Variants in KNDC1 observed in about 807,000 individuals in gnomAD.
KNDC1 encodes kinase non-catalytic C-lobe domain containing 1.
In KNDC1, 106 loss-of-function variants were observed where a neutral mutation model predicts 172.8. The observed-to-expected ratio is 0.61, with a 90% CI of 0.52 to 0.72. The LOEUF (loss-of-function observed/expected upper bound fraction) is 0.72. Among genes scored for constraint, KNDC1 ranks in the 30% least tolerant of loss-of-function variants. The pLI is 0.00. For synonymous variants in KNDC1, 1,083 were observed against 1,062.2 expected, an observed-to-expected ratio of 1.02 and a Z score of -0.38; for missense variants, 2,325 against 2,394.5, an observed-to-expected ratio of 0.97 and a Z score of 0.61.
Position 133,223,859 on chromosome 10 carries a change from A to G in KNDC1, c.5019-800A>G, listed in dbSNP as rs375030549. On this transcript the variant is annotated intron_variant, in intron 29 of 29. Transcript: ENST00000304613. The stretch of plus-strand genomic sequence containing the variant: ...CCCATCCAGGCATGCTCTTCCCGGC[A>G]TGTGTGTGTGTGAGCCCATCCAGGC... Among the ~76,000 whole-genome samples, 21 of 41,284 alleles carry G rather than the reference A, an allele frequency of 5.1e-4. 2 individuals are homozygous for G. The East Asian group carries it at 0.011, about 22-fold the overall frequency. 27.1% of individuals were successfully genotyped at this position (41,284 alleles called of 152,430 possible). A position where few individuals can be genotyped will look rare whatever the true frequency, so the allele number is the denominator to read the frequency against.
rs183284963 is a variant in KNDC1, at chr10:133,208,104, C to G, written c.3794+753C>G. ...ACACCACCTTGGAGCCCCAAGGGTC[C>G]TCTCTGAGCAGAGGCCATGGGGCCC... is the stretch of plus-strand genomic sequence containing the variant. On this transcript the variant is annotated intron_variant, in intron 20 of 29. Transcript: ENST00000304613. Among the ~76,000 whole-genome samples the G allele has an allele frequency of 1.1e-4, 17 of 152,300 alleles. No individual in the cohort carries two copies. The East Asian group carries it at 3.3e-3, about 29-fold the overall frequency.
rs1248396874 is a variant in KNDC1 at position 133,199,005 on chromosome 10, C to T, written c.2497C>T (p.Arg833Ter). The T allele has an allele frequency of 6.4e-6, 10 of 1,560,442 alleles. No homozygotes were observed. The highest frequency in any genetic ancestry group is 2.3e-5 in the South Asian group (2 of 85,688). Residue 833 changes from arginine to a stop codon, truncating the protein, a stop_gained, in exon 14 of 30, where the codon CGA becomes TGA. Coordinates refer to ENST00000304613, the MANE Select transcript of KNDC1 (RefSeq NM_152643.8). LOFTEE classifies it high-confidence loss of function. ...HGPRHPPKPPRSKATERPGQE... is the reference protein window; with the variant it reads ...HGPRHPPKPP Reference sequence around the variant, plus strand: ...CCCACGCCACCCGCCCAAGCCCCCACGAAGCAAGGCCACCGAGCGCCCGGG... The same window carrying T: ...CCCACGCCACCCGCCCAAGCCCCCATGAAGCAAGGCCACCGAGCGCCCGGG...
At chr10:133,211,631 TC>T (rs1447883210) in intron 22 of KNDC1, 47 bp from the exon 23 acceptor site, 1 of 1,593,820 alleles carries the variant, frequency 6.3e-7, no homozygotes, top group Admixed American at 1.7e-5. Context: ...GGTGCCGCCC[TC>T]CTCCAGAAGG....
intron 26 of KNDC1, among the ~76,000 whole-genome samples, chr10:133,217,506 A>G (rs1220314898): frequency 6.6e-6 from 1 of 152,122 alleles, no homozygotes; most frequent in Non-Finnish European, 1.5e-5. Context: ...GCAGATCACG[A>G]GGTCAGGAGT....
At chr10:133,203,083 G>A (rs1250616970) in intron 17 of KNDC1, among the ~76,000 whole-genome samples, 1 of 150,242 alleles carries the variant, frequency 6.7e-6, no homozygotes, top group East Asian at 2.0e-4. Flanking sequence ...AGTCCAGCGG[G>A]GAGCACTCCA....
chr10:133,213,699 G>A lies in KNDC1; in HGVS notation c.4498G>A (p.Val1500Ile), dbSNP rs779018201. Reference protein sequence around the residue: ...VHFLNSRALGVMDKSTAIPKA... With the variant: ...VHFLNSRALGIMDKSTAIPKA... ...CTTCCTGAACTCACGGGCCCTGGGC[G>A]TCATGGACAAGAGCACTGCCATCCC... Residue 1500 changes from valine to isoleucine, a missense_variant, in exon 25 of 30, where the codon GTC (valine) becomes ATC (isoleucine). Physicochemically the swap from Val to Ile is conservative, Grantham distance 29. Transcript: ENST00000304613. 8.7e-6 allele frequency: 14 copies of A among 1,613,910 alleles called. No individual in the cohort carries two copies. Among genetic ancestry groups the A allele is most frequent in the East Asian group, 4.5e-5 (2 of 44,886 alleles).
intron 1 of KNDC1, among the ~76,000 whole-genome samples, chr10:133,161,152 G>T (rs1466255177): frequency 6.6e-6 from 1 of 152,180 alleles, no homozygotes. Flanking sequence ...CCACCCTACA[G>T]CACCGGCTGC....
chr10:133,168,468 A>G (rs1853257367), intron 3 of KNDC1, among the ~76,000 whole-genome samples, 156 bp downstream of exon 3: 1 of 151,068 alleles, frequency 6.6e-6, no homozygotes, highest in African/African-American at 2.4e-5. Flanking sequence ...GGCTATAGGG[A>G]CGGCCTCTGG....
chr10:133,197,088 A>C lies in KNDC1; in HGVS notation c.1765A>C (p.Met589Leu). ...VCGSYLLQRG[M>L]DSRKILAHLR... is the part of the protein sequence containing the mutation. ...CGGCAGCTACCTCCTCCAGCGAGGC[A>C]TGGACAGCCGGAAAATCCTTGCCCA... is the stretch of plus-strand genomic sequence containing the variant. The change falls in exon 11 of 30, where the codon ATG (methionine) becomes CTG (leucine). Residue 589 changes from methionine (M) to leucine (L), a missense_variant. Coordinates refer to ENST00000304613, the MANE Select transcript of KNDC1 (RefSeq NM_152643.8). 6.2e-7 allele frequency: 1 copy of C among 1,613,258 alleles called. No individual in the cohort carries two copies. Among genetic ancestry groups the C allele is most frequent in the East Asian group, 2.2e-5 (1 of 44,872 alleles).
intron 16 of KNDC1, among the ~76,000 whole-genome samples, chr10:133,200,961 G>A (rs1030212380): frequency 2.0e-5 from 3 of 152,202 alleles, no homozygotes; most frequent in Non-Finnish European, 2.9e-5. Context: ...AGGTGGGGGT[G>A]GTGGTCACCC....
chr10:133,186,063 G>T lies in KNDC1; in HGVS notation c.715G>T (p.Val239Phe). The change falls in exon 6 of 30, where the codon GTT (valine) becomes TTT (phenylalanine). Residue 239 changes from valine (V) to phenylalanine (F), a missense_variant. Val to Phe is a conservative substitution (Grantham distance 50). Transcript: ENST00000304613. ...CGGGGACCCCAGCACTGACCCGGAG[G>T]TTCTGCCGACCCCCGAAGGCCCGGA... is the stretch of plus-strand genomic sequence containing the variant. ...PPGDPSTDPE[V>F]LPTPEGPESE... 6.3e-7 allele frequency: 1 copy of T among 1,599,632 alleles called. No homozygotes were observed. Among genetic ancestry groups the T allele is most frequent in the Non-Finnish European group, 8.5e-7 (1 of 1,174,268 alleles).
chr10:133,215,413 G>A (rs574694702), intron 26 of KNDC1, among the ~76,000 whole-genome samples: 13 of 152,358 alleles, frequency 8.5e-5, no homozygotes, highest in African/African-American at 3.1e-4. Flanking sequence ...CGAAGGCAGA[G>A]GCACCGCCTT....
intron 26 of KNDC1, among the ~76,000 whole-genome samples, chr10:133,217,996 G>C (rs1181840876): frequency 2.6e-5 from 4 of 151,382 alleles, no homozygotes; most frequent in Non-Finnish European, 4.4e-5. Flanking sequence ...GGAGGTGGAG[G>C]CTGCACCGAG....
intron 17 of KNDC1, among the ~76,000 whole-genome samples, chr10:133,206,057 G>T (rs181837567): frequency 6.6e-6 from 1 of 151,832 alleles, no homozygotes; most frequent in African/African-American, 2.4e-5. Flanking sequence ...AAAATTAGCC[G>T]GGCATGGTGG....
In KNDC1 at chr10:133,198,799, A is replaced by G; in HGVS notation, c.2291A>G (p.Gln764Arg). Residue 764 changes from glutamine to arginine, a missense_variant, in exon 14 of 30, where the codon CAG becomes CGG. Physicochemically the swap from Gln to Arg is conservative, Grantham distance 43. Coordinates refer to ENST00000304613, the MANE Select transcript of KNDC1 (RefSeq NM_152643.8). Reference sequence around the variant, plus strand: ...CAGGGCCGCCCCTGCCCTCCACCCCAGGCCCCAGCAAACCAGCCAGAGGGG... The same window carrying G: ...CAGGGCCGCCCCTGCCCTCCACCCCGGGCCCCAGCAAACCAGCCAGAGGGG... ...SAQGRPCPPPQAPANQPEGAS... is the reference protein window; with the variant it reads ...SAQGRPCPPPRAPANQPEGAS... 6.3e-7 allele frequency: 1 copy of G among 1,592,230 alleles called. No individual in the cohort carries two copies. Among genetic ancestry groups the G allele is most frequent in the South Asian group, 1.1e-5 (1 of 88,182 alleles).
In KNDC1 at chr10:133,160,588, T is replaced by TG. The variant is rs1281999703; in HGVS notation, c.102+25dup. 2.0e-6 allele frequency: 3 copies of TG among 1,523,702 alleles called. No individual in the cohort carries two copies. The highest frequency in any genetic ancestry group is 4.9e-5 in the East Asian group (2 of 40,678). The allele number at this position is 1,523,702 out of a possible 1,614,324, so 94.4% of individuals were successfully genotyped here. A position where few individuals can be genotyped will look rare whatever the true frequency, so the allele number is the denominator to read the frequency against. ...GGACGAGGTGAGCCCCCGGCCCCAC[T>TG]GGGGGGCCCCTTCCGCCGCCGAGGG... On this transcript the variant is annotated intron_variant, in intron 1 of 29. Coordinates refer to ENST00000304613, the MANE Select transcript of KNDC1 (RefSeq NM_152643.8).
Position 133,167,575 on chromosome 10 carries a change from C to A in KNDC1, c.297C>A (p.Leu99=). The A allele has an allele frequency of 1.3e-6, 2 of 1,587,570 alleles. No individual in the cohort carries two copies. The highest frequency in any genetic ancestry group is 2.3e-5 in the South Asian group (2 of 87,466). The change falls in exon 2 of 30, where the codon CTC becomes CTA. Residue 99 remains leucine, a synonymous_variant. Transcript: ENST00000304613. ...GGAACGTGTGTTTCATGGAGCAGCTCAGCGGTGAGGCGGCGGTGGCGGTGG... is the reference window on the plus strand; with the variant it reads ...GGAACGTGTGTTTCATGGAGCAGCTAAGCGGTGAGGCGGCGGTGGCGGTGG... The part of the protein sequence containing the change: ...TSGNVCFMEQ[L]SDDPEGAFVP...
chr10:133,209,469 TGTGTGCGCGTGTGTG>T lies in KNDC1; in HGVS notation c.3795-1131_3795-1117del, dbSNP rs1404119783. On this transcript the variant is annotated intron_variant, in intron 20 of 29. Coordinates refer to ENST00000304613, the MANE Select transcript of KNDC1 (RefSeq NM_152643.8). The surrounding 1 kb of genome is among the most constrained non-coding windows in gnomAD (Gnocchi z 4.9). ...GTGTGGTGTGGGGTATAGTGTGGCT[TGTGTGCGCGTGTGTG>T]GTGTGCGCGTCTGGTTGTGGAGTTC... Among the ~76,000 whole-genome samples the T allele has an allele frequency of 1.7e-4, 25 of 151,394 alleles. No individual in the cohort carries two copies. Among genetic ancestry groups the T allele is most frequent in the African/African-American group, 6.1e-4 (25 of 41,160 alleles).
Position 133,201,726 on chromosome 10 carries a change from C to A in KNDC1, c.3215C>A (p.Ser1072Tyr), listed in dbSNP as rs1037751498. ...DVEAVTRLAR[S>Y]KGVGPALSPG... ...GAGGCAGTGACCCGACTGGCCAGGTCCAAAGGGGTCGGCCCAGCCTTGTCC... is the reference window on the plus strand; with the variant it reads ...GAGGCAGTGACCCGACTGGCCAGGTACAAAGGGGTCGGCCCAGCCTTGTCC... Residue 1072 changes from serine to tyrosine, a missense_variant, in exon 17 of 30, where the codon TCC (serine) becomes TAC (tyrosine). Coordinates refer to ENST00000304613, the MANE Select transcript of KNDC1 (RefSeq NM_152643.8). 1 of 1,604,626 alleles carries A rather than the reference C, an allele frequency of 6.2e-7. No homozygotes were observed. The highest frequency in any genetic ancestry group is 8.5e-7 in the Non-Finnish European group (1 of 1,175,870).
Sources: allele counts gnomAD v4.1 joint callset (sites outside exome capture counted in the v4.1 genomes callset), GRCh38; gene constraint gnomAD v4.1.1; non-coding constraint Gnocchi (gnomAD v3.1); transcripts MANE v1.5; gene names NCBI Gene and HGNC (gene_info 2026-07-23, HGNC 2026-07-21).